The following ZBTB32 variants were observed in gnomAD, a reference collection of about 807,000 sequenced individuals.
The protein encoded by ZBTB32 is zinc finger and BTB domain-containing protein 32.
ZBTB32 carries 28 observed loss-of-function variants against 45.3 expected under a neutral mutation model. That is an observed-to-expected ratio of 0.62 (90% CI 0.46 to 0.85). The LOEUF (loss-of-function observed/expected upper bound fraction) is 0.85. Among genes scored for constraint, ZBTB32 ranks in the 40% least tolerant of loss-of-function variants. The pLI is 0.00. For missense variants in ZBTB32, 587 were observed against 624.4 expected (o/e 0.94, Z 0.64); for synonymous variants, 283 against 255.7 (o/e 1.11, Z -1.02).
chr19:35,707,181 C>G, intron 1 of ZBTB32, among the ~76,000 whole-genome samples: 1 of 116,322 alleles, frequency 8.6e-6, no homozygotes, highest in East Asian at 2.4e-4. Flanking sequence ...GGTGACAGAG[C>G]AAGACTGTGT....
At chr19:35,704,748 C>T (rs2272538) in intron 1 of ZBTB32, 125 bp downstream of exon 1, 4,152 of 152,418 alleles carry the variant, frequency 0.027, 181 homozygotes, top group African/African-American at 0.09. Flanking sequence ...GGCTTTAGCC[C>T]TTGGGGCTTT....
At chr19:35,715,690 C>T (rs1449036527) in intron 3 of ZBTB32, 67 bp from the exon 4 acceptor site, 3 of 1,528,324 alleles carry the variant, frequency 2.0e-6, no homozygotes, top group African/African-American at 1.4e-5. Context: ...TGGGATACCC[C>T]CTCTTCACGA....
intron 1 of ZBTB32, among the ~76,000 whole-genome samples, chr19:35,710,231 A>G (rs543666757): frequency 6.6e-6 from 1 of 152,172 alleles, no homozygotes; most frequent in Non-Finnish European, 1.5e-5. Context: ...AGAAAGTAAT[A>G]TAAGTATTAA....
Position 35,716,553 on chromosome 19 carries a change from C to G in ZBTB32, c.1265C>G (p.Thr422Arg). The change falls in exon 7 of 7, where the codon ACA (threonine) becomes AGA (arginine). Residue 422 changes from threonine (T) to arginine (R), a missense_variant. Physicochemically the swap from Thr to Arg is moderately conservative, Grantham distance 71. Transcript: ENST00000392197. ...DFSAMTKHLRTHGAAPYRCSL... is the reference protein window; with the variant it reads ...DFSAMTKHLRRHGAAPYRCSL... ...TCGGCCATGACCAAGCACCTGCGGA[C>G]ACACGGGGCCGCTCCGTACCGCTGC... 1 of 1,613,030 alleles carries G rather than the reference C, an allele frequency of 6.2e-7. No individual in the cohort carries two copies.
rs878952588 is a variant in ZBTB32, at chr19:35,715,424, G to A, written c.798G>A (p.Leu266=). 3 of 1,600,580 alleles carry A rather than the reference G, an allele frequency of 1.9e-6. No individual in the cohort carries two copies. Among genetic ancestry groups the A allele is most frequent in the Admixed American group, 1.8e-5 (1 of 56,136 alleles). The change falls in exon 3 of 7, where the codon CTG becomes CTA. Residue 266 remains leucine, a synonymous_variant. Coordinates refer to ENST00000392197, the MANE Select transcript of ZBTB32 (RefSeq NM_014383.3). ...VGGQPALWSI[L]LMPPRYGIPF... Reference sequence around the variant, plus strand: ...GCCAGCCTGCCCTGTGGAGCATCCTGCTGATGCCGCCCAGATATGGCATTC... The same window carrying A: ...GCCAGCCTGCCCTGTGGAGCATCCTACTGATGCCGCCCAGATATGGCATTC...
intron 3 of ZBTB32, 51 bp from the exon 4 acceptor site, chr19:35,715,706 C>A: frequency 1.3e-6 from 2 of 1,554,522 alleles, no homozygotes; most frequent in Admixed American, 1.9e-5. Flanking sequence ...CACGAAGGGG[C>A]CAGGCTCCCA....
intron 1 of ZBTB32, among the ~76,000 whole-genome samples, chr19:35,705,468 A>C (rs926792634): frequency 6.6e-6 from 1 of 152,200 alleles, no homozygotes; most frequent in Non-Finnish European, 1.5e-5. Context: ...TGTTCTTGGC[A>C]GATTTCCCAG....
intron 1 of ZBTB32, among the ~76,000 whole-genome samples, chr19:35,704,982 G>A (rs1419266108): frequency 6.6e-6 from 1 of 152,222 alleles, no homozygotes; most frequent in Non-Finnish European, 1.5e-5. Context: ...TGGATCCGGT[G>A]ACTGAAAGGA....
intron 3 of ZBTB32, 57 bp from the exon 4 acceptor site, chr19:35,715,700 A>G (rs371939803): frequency 1.3e-6 from 2 of 1,543,310 alleles, no homozygotes; most frequent in South Asian, 2.4e-5. Context: ...CCTCTTCACG[A>G]AGGGGCCAGG....
In ZBTB32 at chr19:35,714,863, T is replaced by C; in HGVS notation, c.237T>C (p.Tyr79=). 6.2e-7 allele frequency: 1 copy of C among 1,609,370 alleles called. No homozygotes were observed. The highest frequency in any genetic ancestry group is 2.2e-5 in the East Asian group (1 of 44,848). ...STFAQLLNFV[Y]GESVELQPGE... ...TTGCCCAGCTCCTGAACTTTGTGTATGGGGAGAGTGTAGAGCTGCAGCCTG... is the reference window on the plus strand; with the variant it reads ...TTGCCCAGCTCCTGAACTTTGTGTACGGGGAGAGTGTAGAGCTGCAGCCTG... Residue 79 remains tyrosine (Y), a synonymous_variant, in exon 3 of 7, where the codon TAT becomes TAC. Transcript: ENST00000392197.
intron 1 of ZBTB32, among the ~76,000 whole-genome samples, chr19:35,706,580 G>A (rs765013941): frequency 1.7e-4 from 26 of 151,940 alleles, no homozygotes; most frequent in Non-Finnish European, 3.7e-4. Context: ...AAAATTAGCC[G>A]GGCATGGTAG....
Position 35,716,518 on chromosome 19 carries a change from C to T in ZBTB32, c.1230C>T (p.Ser410=). ...CCTGTAGCCTTTGTCCTCAGCGCTC[C>T]CGGGACTTCTCGGCCATGACCAAGC... The part of the protein sequence containing the change: ...PFSCSLCPQR[S]RDFSAMTKHL... The change falls in exon 7 of 7, where the codon TCC becomes TCT. Residue 410 remains serine (S), a synonymous_variant. Coordinates refer to ENST00000392197, the MANE Select transcript of ZBTB32 (RefSeq NM_014383.3). 6.2e-7 allele frequency: 1 copy of T among 1,611,586 alleles called. No homozygotes were observed. The highest frequency in any genetic ancestry group is 8.5e-7 in the Non-Finnish European group (1 of 1,178,464).
intron 2 of ZBTB32, chr19:35,713,420 C>T (rs992870584): frequency 1.3e-5 from 2 of 152,440 alleles, no homozygotes; most frequent in African/African-American, 4.8e-5. Flanking sequence ...AACAGTAGTT[C>T]AGAGCATGCG....
intron 2 of ZBTB32, chr19:35,713,617 G>GT (rs1403667453): frequency 4.6e-5 from 7 of 152,308 alleles, no homozygotes; most frequent in Non-Finnish European, 7.3e-5. Context: ...TCTGCCTGCT[G>GT]GGTGCTAAGA....
At chr19:35,706,977 C>A (rs1427549559) in intron 1 of ZBTB32, among the ~76,000 whole-genome samples, 1 of 152,060 alleles carries the variant, frequency 6.6e-6, no homozygotes, top group Non-Finnish European at 1.5e-5. Flanking sequence ...TGGCCATTCC[C>A]TCTATGGTGT....
chr19:35,709,048 G>A (rs1311957491), intron 1 of ZBTB32, among the ~76,000 whole-genome samples: 2 of 152,194 alleles, frequency 1.3e-5, no homozygotes, highest in East Asian at 1.9e-4. Flanking sequence ...TTGAACTCCC[G>A]ACCTCAGATG....
At chr19:35,711,632 G>A (rs1968695173) in intron 1 of ZBTB32, among the ~76,000 whole-genome samples, 1 of 152,098 alleles carries the variant, frequency 6.6e-6, no homozygotes, top group Non-Finnish European at 1.5e-5. Context: ...AAGAGAGAGT[G>A]GGAGGCTGGT....
At chr19:35,714,325 A>C in intron 2 of ZBTB32, 198 bp from the exon 3 acceptor site, 3 of 269,642 alleles carry the variant, frequency 1.1e-5, no homozygotes, top group East Asian at 6.4e-5. Context: ...ACCCACTACT[A>C]GATATTTCTG....
chr19:35,716,973 G>A lies in ZBTB32; in HGVS notation c.*221G>A, dbSNP rs1968937336. On this transcript the variant is annotated 3_prime_UTR_variant, in exon 7 of 7. Transcript: ENST00000392197. ...GGACACTGAAGTGTGCAGGAGCGAA[G>A]GTTAACAGTAGGGGAGATTGTCGAT... 9 of 590,852 alleles carry A rather than the reference G, an allele frequency of 1.5e-5. No homozygotes were observed. Among genetic ancestry groups the A allele is most frequent in the Admixed American group, 3.0e-5 (1 of 33,164 alleles). The allele number at this position is 590,852 out of a possible 1,614,324, so 36.6% of individuals were successfully genotyped here. A position where few individuals can be genotyped will look rare whatever the true frequency, so the allele number is the denominator to read the frequency against.
Sources: allele counts gnomAD v4.1 joint callset (sites outside exome capture counted in the v4.1 genomes callset), GRCh38; gene constraint gnomAD v4.1.1; transcripts MANE v1.5; gene names NCBI Gene and HGNC (gene_info 2026-07-23, HGNC 2026-07-21).